The following FAM78B variants were observed in gnomAD, a reference collection of about 807,000 sequenced individuals.
The protein encoded by FAM78B is family with sequence similarity 78 member B.
In FAM78B, 10 loss-of-function variants were observed where a neutral mutation model predicts 20.0. The ratio of observed to expected loss-of-function variants is 0.50; its 90% CI spans 0.31 to 0.85. The LOEUF (loss-of-function observed/expected upper bound fraction) is 0.85. Ranked by LOEUF, FAM78B falls within the 40% of genes least tolerant of loss-of-function variation. The pLI, the probability that FAM78B is intolerant of heterozygous loss-of-function variation, is 0.05. For missense variants in FAM78B, 283 were observed against 345.0 expected (o/e 0.82, Z 1.42); for synonymous variants, 135 against 132.8 (o/e 1.02, Z -0.12).
chr1:166,146,926 T>A (rs1655478749), intron 1 of FAM78B, among the ~76,000 whole-genome samples: 2 of 152,204 alleles, frequency 1.3e-5, no homozygotes, highest in Admixed American at 1.3e-4. Flanking sequence ...GAGACTAACC[T>A]ACGATCTCTC....
At chr1:166,139,535 G>A (rs1002763343) in intron 1 of FAM78B, among the ~76,000 whole-genome samples, 1 of 152,112 alleles carries the variant, frequency 6.6e-6, no homozygotes, top group Admixed American at 6.5e-5. Flanking sequence ...GGGCAGAGTC[G>A]AGAGGGAACA....
intron 1 of FAM78B, among the ~76,000 whole-genome samples, chr1:166,089,409 T>A (rs765378833): frequency 6.6e-6 from 1 of 152,002 alleles, no homozygotes; most frequent in African/African-American, 2.4e-5. Context: ...ATGAAACAGG[T>A]AGCGACAAGG....
intron 1 of FAM78B, among the ~76,000 whole-genome samples, chr1:166,145,160 A>G (rs968502754): frequency 2.6e-5 from 4 of 152,208 alleles, no homozygotes; most frequent in Admixed American, 1.3e-4. Flanking sequence ...GGGACAAAAA[A>G]GCTGAACCCC....
chr1:166,108,990 C>T (rs571176444), intron 1 of FAM78B, among the ~76,000 whole-genome samples: 10 of 152,222 alleles, frequency 6.6e-5, no homozygotes, highest in African/African-American at 1.7e-4. Context: ...TTATTTCTCA[C>T]CTTACACAAA....
chr1:166,123,346 T>A (rs1361980047), intron 1 of FAM78B, among the ~76,000 whole-genome samples: 1 of 152,214 alleles, frequency 6.6e-6, no homozygotes, highest in African/African-American at 2.4e-5. Context: ...GCCGCTCCCA[T>A]AACGGTGTTT....
At chr1:166,146,780 T>G (rs369224841) in intron 1 of FAM78B, among the ~76,000 whole-genome samples, 1 of 152,178 alleles carries the variant, frequency 6.6e-6, no homozygotes. Flanking sequence ...CTTTCAACAA[T>G]AGTAGAAATG....
At chr1:166,090,035 A>G (rs981005282) in intron 1 of FAM78B, among the ~76,000 whole-genome samples, 1 of 152,178 alleles carries the variant, frequency 6.6e-6, no homozygotes, top group Non-Finnish European at 1.5e-5. Flanking sequence ...CGAAAGCCAA[A>G]CAGGAAGCCA....
chr1:166,166,054 G>A lies in FAM78B; in HGVS notation c.195C>T (p.Thr65=). ...ACGCCTGAATCCAGCCCACCACCCA[G>A]GTCTCGTGGCGGGGGATGGGGGGCA... The part of the protein sequence containing the change: ...VVMPPIPRHE[T]WVVGWIQACN... The change falls in exon 1 of 2, where the codon ACC becomes ACT. Residue 65 remains threonine, a synonymous_variant. Transcript: ENST00000354422. The A allele has an allele frequency of 6.2e-7, 1 of 1,613,664 alleles. No homozygotes were observed. The highest frequency in any genetic ancestry group is 8.5e-7 in the Non-Finnish European group (1 of 1,179,852).
intron 1 of FAM78B, among the ~76,000 whole-genome samples, chr1:166,164,404 A>G (rs908986070): frequency 2.0e-5 from 3 of 152,270 alleles, no homozygotes; most frequent in Admixed American, 6.5e-5. Flanking sequence ...ACATGTGTTC[A>G]CATATAATCA....
chr1:166,130,981 CTTTTTTTTTT>C (rs869158425), intron 1 of FAM78B, among the ~76,000 whole-genome samples: 1 of 114,066 alleles, frequency 8.8e-6, no homozygotes. Flanking sequence ...TCCCCAGGTG[CTTTTTTTTTT>C]TTTTTTTTTT....
intron 1 of FAM78B, among the ~76,000 whole-genome samples, chr1:166,158,201 T>A (rs957130131): frequency 2.0e-5 from 3 of 152,174 alleles, no homozygotes; most frequent in Non-Finnish European, 4.4e-5. Flanking sequence ...GGTACATGAC[T>A]GTGGTCCCAA....
intron 1 of FAM78B, among the ~76,000 whole-genome samples, chr1:166,117,259 T>C (rs930846516): frequency 9.9e-5 from 15 of 152,200 alleles, no homozygotes; most frequent in African/African-American, 1.4e-4. Flanking sequence ...AGGATACTTA[T>C]CTATTTTGCA....
At chr1:166,062,628 T>C (rs1444696482) in intron 2 of FAM78B, among the ~76,000 whole-genome samples, 1 of 152,250 alleles carries the variant, frequency 6.6e-6, no homozygotes, top group Admixed American at 6.5e-5. Flanking sequence ...TGGCGTAGCC[T>C]CTCAGTCCCT....
At chr1:166,139,459 C>G (rs1471259353) in intron 1 of FAM78B, among the ~76,000 whole-genome samples, 2 of 152,074 alleles carry the variant, frequency 1.3e-5, no homozygotes, top group Non-Finnish European at 2.9e-5. Context: ...ACACTTGATA[C>G]TTACAGTCTA....
chr1:166,142,886 C>A (rs906594538), intron 1 of FAM78B, among the ~76,000 whole-genome samples: 1 of 152,140 alleles, frequency 6.6e-6, no homozygotes, highest in Non-Finnish European at 1.5e-5. Context: ...GCACAGGGTG[C>A]AAACATGAGC....
At chr1:166,090,982 C>T (rs1036961364) in intron 1 of FAM78B, among the ~76,000 whole-genome samples, 12 of 152,016 alleles carry the variant, frequency 7.9e-5, no homozygotes, top group Admixed American at 1.3e-4. Flanking sequence ...GGTGGGGGTG[C>T]GACTGAGGTT....
intron 1 of FAM78B, among the ~76,000 whole-genome samples, chr1:166,080,597 G>A (rs1011796473): frequency 6.6e-5 from 10 of 152,214 alleles, no homozygotes; most frequent in Admixed American, 4.6e-4. Context: ...GGGAAAAGAG[G>A]CTTCTGCCTT....
At chr1:166,100,820 T>A (rs574712427) in intron 1 of FAM78B, among the ~76,000 whole-genome samples, 1 of 152,364 alleles carries the variant, frequency 6.6e-6, no homozygotes, top group African/African-American at 2.4e-5. Flanking sequence ...TAAATGTCCC[T>A]GTCTGACAGA....
At chr1:166,151,443 G>A (rs1306743670) in intron 1 of FAM78B, among the ~76,000 whole-genome samples, 1 of 152,102 alleles carries the variant, frequency 6.6e-6, no homozygotes, top group Non-Finnish European at 1.5e-5. Flanking sequence ...GGTAAATCTT[G>A]AAAAAACCCT....
Sources: gnomAD v4.1 joint callset for allele counts (sites outside exome capture counted in the v4.1 genomes callset) on GRCh38, gnomAD v4.1.1 for gene constraint, MANE v1.5 for transcripts, NCBI Gene and HGNC (gene_info 2026-07-23, HGNC 2026-07-21) for gene names.